THADA: variants seen among roughly 807,000 people sequenced by gnomAD.
The protein encoded by THADA is tRNA (32-2'-O)-methyltransferase regulator THADA.
THADA carries 213 observed loss-of-function variants against 219.8 expected under a neutral mutation model. The ratio of observed to expected loss-of-function variants is 0.97; its 90% CI spans 0.87 to 1.09. THADA has a LOEUF of 1.09. Ranked by LOEUF, THADA falls within the 50% of genes least tolerant of loss-of-function variation. The probability of loss-of-function intolerance (pLI) is 0.00; values close to 1 mark genes in which losing one functional copy is unlikely to be tolerated. For missense variants in THADA, 2,956 were observed against 2,311.3 expected, an observed-to-expected ratio of 1.28 and a Z score of -5.72; for synonymous variants, 1,018 against 828.9, an observed-to-expected ratio of 1.23 and a Z score of -3.92.
chr2:43,437,517 T>C (rs1680272323), intron 26 of THADA, among the ~76,000 whole-genome samples: 1 of 152,180 alleles, frequency 6.6e-6, no homozygotes, highest in African/African-American at 2.4e-5. Flanking sequence ...TAATTAAATG[T>C]TGTATGAGAC....
chr2:43,378,665 G>T (rs766501437), intron 29 of THADA, among the ~76,000 whole-genome samples: 14 of 152,148 alleles, frequency 9.2e-5, no homozygotes, highest in Non-Finnish European at 1.8e-4. Context: ...GAGTGCAGTG[G>T]CATGATCTGG....
At chr2:43,425,442 T>TTGTGTGTGTGTGTG (rs1225795608) in intron 28 of THADA, among the ~76,000 whole-genome samples, 1 of 112,774 alleles carries the variant, frequency 8.9e-6, no homozygotes, top group African/African-American at 3.7e-5. Flanking sequence ...CTTGTTAAAA[T>TTGTGTGTGTGTGTG]TGTATGTGTG....
intron 30 of THADA, 35 bp downstream of exon 30, chr2:43,344,087 T>C (rs1197080079): frequency 6.8e-7 from 1 of 1,470,740 alleles, no homozygotes; most frequent in Non-Finnish European, 9.4e-7. Flanking sequence ...TCCTAACCCC[T>C]GATAACTCCT....
intron 21 of THADA, among the ~76,000 whole-genome samples, chr2:43,532,321 G>A (rs1355539234): frequency 6.7e-6 from 1 of 149,810 alleles, no homozygotes; most frequent in Non-Finnish European, 1.5e-5. Context: ...GCTGAGGCAG[G>A]AGACCCGTTT....
At chr2:43,329,497 G>T (rs10210507) in intron 30 of THADA, among the ~76,000 whole-genome samples, 37,479 of 151,958 alleles carry the variant, frequency 0.25, 5,403 homozygotes, top group African/African-American at 0.4. Flanking sequence ...AAAATAGTAC[G>T]AATGATAATA....
At chr2:43,281,412 C>G (rs988186582) in intron 35 of THADA, among the ~76,000 whole-genome samples, 2 of 149,974 alleles carry the variant, frequency 1.3e-5, no homozygotes, top group Admixed American at 1.3e-4. Context: ...AATGACTTTG[C>G]TGTGCCCTTG....
chr2:43,557,377 G>C (rs1697501454), intron 16 of THADA, among the ~76,000 whole-genome samples: 1 of 152,098 alleles, frequency 6.6e-6, no homozygotes, highest in African/African-American at 2.4e-5. Context: ...TAGTCTCTCA[G>C]GGCTTATGTT....
At chr2:43,303,578 AT>A (rs1178881811) in intron 31 of THADA, among the ~76,000 whole-genome samples, 1 of 151,404 alleles carries the variant, frequency 6.6e-6, no homozygotes, top group African/African-American at 2.4e-5. Flanking sequence ...TAAAAAAAAA[AT>A]CAATATAATT....
chr2:43,446,323 C>T (rs1391318263), intron 26 of THADA, among the ~76,000 whole-genome samples: 3 of 152,172 alleles, frequency 2.0e-5, no homozygotes, highest in African/African-American at 7.2e-5. Context: ...TTTCCCGTTT[C>T]CTTGACTCTA....
chr2:43,282,638 A>AG (rs1229599523), intron 35 of THADA, among the ~76,000 whole-genome samples: 8 of 152,206 alleles, frequency 5.3e-5, no homozygotes, highest in Admixed American at 2.0e-4. Context: ...ATGGCAGGAG[A>AG]GGGCAGGGTT....
chr2:43,418,552 C>T (rs2104782295), intron 28 of THADA, among the ~76,000 whole-genome samples: 1 of 152,220 alleles, frequency 6.6e-6, no homozygotes, highest in Admixed American at 6.5e-5. Flanking sequence ...CTTCAGTGTG[C>T]AGAGGTAATT....
At chr2:43,429,872 G>A (rs955890058) in intron 27 of THADA, among the ~76,000 whole-genome samples, 1 of 150,744 alleles carries the variant, frequency 6.6e-6, no homozygotes, top group Non-Finnish European at 1.5e-5. Flanking sequence ...CCAATTTTAT[G>A]CAAGGAAGCA....
chr2:43,365,824 C>G (rs928074025), intron 29 of THADA, among the ~76,000 whole-genome samples: 1 of 152,082 alleles, frequency 6.6e-6, no homozygotes, highest in Admixed American at 6.5e-5. Context: ...AAGGCCAGGA[C>G]TGTGGATAGG....
chr2:43,489,874 C>CAAAAAAAAAAAAAA lies in THADA; in HGVS notation c.3745-4563_3745-4550dup, dbSNP rs201735523. 5.0e-4 allele frequency among the ~76,000 whole-genome samples: 28 copies of CAAAAAAAAAAAAAA among 56,058 alleles called. 3 individuals are homozygous for CAAAAAAAAAAAAAA. Among genetic ancestry groups the CAAAAAAAAAAAAAA allele is most frequent in the African/African-American group, 1.5e-3 (22 of 15,016 alleles). 36.8% of individuals were successfully genotyped at this position (56,058 alleles called of 152,430 possible). The stretch of plus-strand genomic sequence containing the variant: ...ATTTCCATATGTATTTTAAGATCTG[C>CAAAAAAAAAAAAAA]AAAAAAAAAAAAAAAAAAAAGCTAG... On this transcript the variant is annotated intron_variant, in intron 25 of 37. Transcript: ENST00000405975.
chr2:43,449,292 G>C (rs2104888940), intron 26 of THADA, among the ~76,000 whole-genome samples: 1 of 152,100 alleles, frequency 6.6e-6, no homozygotes, highest in East Asian at 1.9e-4. Context: ...ACAAAAAAAA[G>C]ATTAAAGAAA....
At chr2:43,541,115 C>A in intron 21 of THADA, 44 bp downstream of exon 21, 1 of 1,445,272 alleles carries the variant, frequency 6.9e-7, no homozygotes, top group South Asian at 1.6e-5. Context: ...GTGATTTATG[C>A]GTTGACCAGA....
chr2:43,585,897 T>C (rs1367032072), intron 7 of THADA, among the ~76,000 whole-genome samples: 1 of 151,962 alleles, frequency 6.6e-6, no homozygotes, highest in African/African-American at 2.4e-5. Context: ...AAAGTTCAAA[T>C]ATAAAAACTT....
intron 11 of THADA, among the ~76,000 whole-genome samples, chr2:43,573,623 A>G (rs1192332568): frequency 1.3e-5 from 2 of 152,158 alleles, no homozygotes; most frequent in Admixed American, 1.3e-4. Flanking sequence ...CAGGAATCAA[A>G]TTTTCCTGCT....
rs183744600 is a variant in THADA at position 43,574,632 on chromosome 2, G to A, written c.1433C>T (p.Pro478Leu). Residue 478 changes from proline to leucine, a missense_variant, in exon 11 of 38, where the codon CCA (proline) becomes CTA (leucine). Pro to Leu is a moderately conservative substitution (Grantham distance 98, BLOSUM62 -3). Coordinates refer to ENST00000405975, the MANE Select transcript of THADA (RefSeq NM_022065.5). ...TCCCATCACCTCTAAGATTTGAGAT[G>A]GAATAGTTTTATCTATAGCCAAAAT... ...EHILAIDKTI[P>L]SQILEVMGDQ... 4.5e-5 allele frequency: 73 copies of A among 1,613,834 alleles called. No homozygotes were observed. Among genetic ancestry groups the A allele is most frequent in the Non-Finnish European group, 4.2e-6 (5 of 1,179,892 alleles).
Sources: allele counts gnomAD v4.1 joint callset (sites outside exome capture counted in the v4.1 genomes callset), GRCh38; gene constraint gnomAD v4.1.1; transcripts MANE v1.5; gene names NCBI Gene and HGNC (gene_info 2026-07-23, HGNC 2026-07-21).